The following WWOX variants were observed in gnomAD, a reference collection of about 807,000 sequenced individuals.
WWOX encodes the protein WW domain containing oxidoreductase, also known as WW domain-containing oxidoreductase.
A neutral mutation model predicts 46.2 loss-of-function variants in WWOX; 69 were observed. The ratio of observed to expected loss-of-function variants is 1.49; its 90% CI spans 1.23 to 1.82. WWOX has a LOEUF of 1.82. Ranked by LOEUF, WWOX falls within the 40% of genes most tolerant of loss-of-function variation. The pLI, the probability that WWOX is intolerant of heterozygous loss-of-function variation, is 0.00. For missense variants in WWOX, 919 were observed against 542.6 expected (o/e 1.69, Z -6.89); for synonymous variants, 359 against 202.6 (o/e 1.77, Z -6.56).
intron 8 of WWOX, among the ~76,000 whole-genome samples, chr16:78,785,258 T>G (rs1354990119): frequency 6.6e-6 from 1 of 152,206 alleles, no homozygotes; most frequent in Non-Finnish European, 1.5e-5. Flanking sequence ...TCTTCCCACC[T>G]TCGATGGGCA....
At chr16:78,819,330 T>G (rs2051429682) in intron 8 of WWOX, among the ~76,000 whole-genome samples, 1 of 152,168 alleles carries the variant, frequency 6.6e-6, no homozygotes, top group Non-Finnish European at 1.5e-5. Context: ...GAGGACTAGC[T>G]AAAACAGGGA....
chr16:78,924,112 C>T (rs558251936), intron 8 of WWOX, among the ~76,000 whole-genome samples: 12 of 152,074 alleles, frequency 7.9e-5, no homozygotes, highest in South Asian at 2.1e-4. Context: ...CCGCTGTGCC[C>T]GGCTGCTAGG....
intron 8 of WWOX, among the ~76,000 whole-genome samples, chr16:78,824,783 A>G (rs756720395): frequency 5.9e-5 from 9 of 152,072 alleles, no homozygotes; most frequent in Admixed American, 1.3e-4. Context: ...CTCCCACAAC[A>G]TGTGGGAATT....
chr16:78,806,982 G>A (rs1310550798), intron 8 of WWOX, among the ~76,000 whole-genome samples: 1 of 152,208 alleles, frequency 6.6e-6, no homozygotes, highest in African/African-American at 2.4e-5. Context: ...CTGGGTCTTA[G>A]CATGCTCATC....
chr16:79,034,429 T>TTGGA (rs2047826279), intron 8 of WWOX, among the ~76,000 whole-genome samples: 1 of 152,234 alleles, frequency 6.6e-6, no homozygotes, highest in Non-Finnish European at 1.5e-5. Context: ...ATACACTGCC[T>TTGGA]GGGCCTTGTA....
chr16:79,106,280 A>G (rs1205990612), intron 8 of WWOX, among the ~76,000 whole-genome samples: 1 of 152,170 alleles, frequency 6.6e-6, no homozygotes, highest in African/African-American at 2.4e-5. Flanking sequence ...AGGGGAGCAC[A>G]TTTTGAATTT....
At chr16:78,714,095 G>GA (rs1182779686) in intron 8 of WWOX, among the ~76,000 whole-genome samples, 1 of 152,170 alleles carries the variant, frequency 6.6e-6, no homozygotes, top group Non-Finnish European at 1.5e-5. Context: ...GCTCTCTTGT[G>GA]AAGCCCCTTC....
At chr16:78,878,650 G>A (rs1473691533) in intron 8 of WWOX, among the ~76,000 whole-genome samples, 1 of 152,082 alleles carries the variant, frequency 6.6e-6, no homozygotes, top group Non-Finnish European at 1.5e-5. Context: ...TGCATGTGAG[G>A]GTTCTGTAAA....
At chr16:78,919,464 A>C (rs544075017) in intron 8 of WWOX, among the ~76,000 whole-genome samples, 1 of 151,662 alleles carries the variant, frequency 6.6e-6, no homozygotes, top group East Asian at 1.9e-4. Context: ...CTACCTTCTA[A>C]CAGCAATCAG....
chr16:78,813,813 T>TC (rs560501572), intron 8 of WWOX, among the ~76,000 whole-genome samples: 19 of 152,168 alleles, frequency 1.2e-4, no homozygotes, highest in Non-Finnish European at 2.4e-4. Context: ...TTATTTTTTT[T>TC]CTCCCTTCCT....
At chr16:79,210,768 G>C (rs1225958576) in intron 8 of WWOX, among the ~76,000 whole-genome samples, 1 of 152,090 alleles carries the variant, frequency 6.6e-6, no homozygotes, top group Non-Finnish European at 1.5e-5. Context: ...ATCCCTGACA[G>C]TATTCTGTCA....
chr16:79,058,720 G>C lies in WWOX; in HGVS notation c.1057-152888G>C, dbSNP rs1042007942. ...ACTTCTGTCTTTGGGTTTACTCACC[G>C]TATCTGTGTGCATCCTGGCAATGTT... On this transcript the variant is annotated intron_variant, in intron 8 of 8. Transcript: ENST00000566780. 3.9e-5 allele frequency among the ~76,000 whole-genome samples: 6 copies of C among 152,290 alleles called. No individual in the cohort carries two copies. The South Asian group carries it at 1.2e-3, about 32-fold the overall frequency.
intron 6 of WWOX, among the ~76,000 whole-genome samples, chr16:78,418,438 C>G (rs558914793): frequency 6.6e-6 from 1 of 151,732 alleles, no homozygotes; most frequent in Non-Finnish European, 1.5e-5. Flanking sequence ...GGAGGAAACA[C>G]TTTCCATCTG....
intron 8 of WWOX, among the ~76,000 whole-genome samples, chr16:78,791,851 G>A (rs1032286282): frequency 2.0e-5 from 3 of 152,166 alleles, no homozygotes; most frequent in Non-Finnish European, 4.4e-5. Flanking sequence ...CTGCACTGCA[G>A]CCTGGGCGAC....
chr16:78,791,018 C>CAAAAAA (rs775592585), intron 8 of WWOX, among the ~76,000 whole-genome samples: 1 of 62,438 alleles, frequency 1.6e-5, no homozygotes, highest in African/African-American at 6.7e-5. Context: ...GACCCTGTCT[C>CAAAAAA]AAAAAAAAAA....
intron 5 of WWOX, among the ~76,000 whole-genome samples, chr16:78,186,866 C>A (rs762137536): frequency 2.0e-5 from 3 of 152,096 alleles, no homozygotes; most frequent in African/African-American, 7.2e-5. Context: ...TTCTGGGTAC[C>A]CTTAACCCAG....
Position 78,513,904 on chromosome 16 carries a change from C to A in WWOX, c.1056+81152C>A, listed in dbSNP as rs868518393. Among the ~76,000 whole-genome samples the A allele has an allele frequency of 2.4e-3, 362 of 150,140 alleles. 5 individuals carry two copies. The highest frequency in any genetic ancestry group is 8.5e-3 in the African/African-American group (344 of 40,336). On this transcript the variant is annotated intron_variant, in intron 8 of 8. Transcript: ENST00000566780. ...TATTACAGTTCCCACTCCCCCCCCC[C>A]CCACTTGTATCACTTTGTATGACAG...
chr16:78,493,512 G>A (rs1012935532), intron 8 of WWOX, among the ~76,000 whole-genome samples: 2 of 152,192 alleles, frequency 1.3e-5, no homozygotes, highest in Non-Finnish European at 2.9e-5. Flanking sequence ...ATTGCATTTG[G>A]TCATTCTAGT....
intron 7 of WWOX, among the ~76,000 whole-genome samples, chr16:78,429,345 C>A (rs11863373): frequency 0.011 from 1,702 of 152,266 alleles, 24 homozygotes; most frequent in African/African-American, 0.039. Context: ...TACTTAATGT[C>A]CATGGAGGCA....
Sources: allele counts gnomAD v4.1 joint callset (sites outside exome capture counted in the v4.1 genomes callset), GRCh38; gene constraint gnomAD v4.1.1; transcripts MANE v1.5; gene names NCBI Gene and HGNC (gene_info 2026-07-23, HGNC 2026-07-21).